HAUS1: variants seen among roughly 807,000 people sequenced by gnomAD.
The protein encoded by HAUS1 is HAUS augmin like complex subunit 1.
A neutral mutation model predicts 38.6 loss-of-function variants in HAUS1; 25 were observed. The ratio of observed to expected loss-of-function variants is 0.65; its 90% CI spans 0.47 to 0.91. The LOEUF (loss-of-function observed/expected upper bound fraction) is 0.91. HAUS1 is among the 40% of genes least tolerant of loss of function. The pLI, the probability that HAUS1 is intolerant of heterozygous loss-of-function variation, is 0.00. For missense variants in HAUS1, 325 were observed against 328.4 expected (o/e 0.99, Z 0.08); for synonymous variants, 109 against 112.9 (o/e 0.97, Z 0.22).
At chr18:46,125,909 T>C in intron 8 of HAUS1, 118 bp downstream of exon 8, 1 of 669,954 alleles carries the variant, frequency 1.5e-6, no homozygotes, top group Non-Finnish European at 2.6e-6. Flanking sequence ...AGTCCTAAAG[T>C]TACTGTGTAT....
In HAUS1 at chr18:46,120,678, C is replaced by T. The variant is rs373716368; in HGVS notation, c.476+618C>T. On this transcript the variant is annotated intron_variant, in intron 4 of 8. Coordinates refer to ENST00000282058, the MANE Select transcript of HAUS1 (RefSeq NM_138443.4). ...TTGGCTCACTGCAACCTCCACTTCC[C>T]GGGTTCAAGCGAGTTTCCTGCCTCA... Among the ~76,000 whole-genome samples, 31 of 151,716 alleles carry T rather than the reference C, an allele frequency of 2.0e-4. 1 individual carries two copies. Among genetic ancestry groups the T allele is most frequent in the Middle Eastern group, 7.0e-3 (2 of 286 alleles).
Position 46,105,368 on chromosome 18 carries a change from G to A in HAUS1, c.205G>A (p.Ala69Thr). ...KQKASEYESEAKYLQDLLMES... is the reference protein window; with the variant it reads ...KQKASEYESETKYLQDLLMES... ...GAAAGCAAGTGAATACGAGTCAGAA[G>A]GTGAGATTAAGTCCAGAGTTTTGAA... The change falls in exon 2 of 9, where the codon GCC becomes ACC. Residue 69 changes from alanine to threonine, a missense_variant and splice_region_variant. Physicochemically the swap from Ala to Thr is moderately conservative, Grantham distance 58 (BLOSUM62 0). Transcript: ENST00000282058. The A allele has an allele frequency of 2.5e-6, 4 of 1,609,944 alleles. No individual in the cohort carries two copies. The highest frequency in any genetic ancestry group is 2.2e-5 in the East Asian group (1 of 44,778).
At chr18:46,110,012 CTTTGT>C (rs1168681528) in intron 2 of HAUS1, among the ~76,000 whole-genome samples, 1 of 151,974 alleles carries the variant, frequency 6.6e-6, no homozygotes. Flanking sequence ...TACTTACAGT[CTTTGT>C]TTTTTCATAT....
chr18:46,105,311 G>A lies in HAUS1; in HGVS notation c.148G>A (p.Asp50Asn), dbSNP rs1911432355. 6.2e-7 allele frequency: 1 copy of A among 1,613,474 alleles called. No individual in the cohort carries two copies. The highest frequency in any genetic ancestry group is 1.7e-5 in the Admixed American group (1 of 59,912). The change falls in exon 2 of 9, where the codon GAT becomes AAT. Residue 50 changes from aspartate to asparagine, a missense_variant. By Grantham distance (23) the Asp-to-Asn change is conservative (BLOSUM62 1). Transcript: ENST00000282058. ...LSERNRVRDR[D>N]VYLVIEDLKQ... ...AGAACGCAACAGGGTCCGGGACAGG[G>A]ATGTCTACCTGGTAATAGAGGACTT...
At chr18:46,108,806 T>A (rs1911541706) in intron 2 of HAUS1, among the ~76,000 whole-genome samples, 1 of 152,102 alleles carries the variant, frequency 6.6e-6, no homozygotes, top group South Asian at 2.1e-4. Flanking sequence ...GCATGATGGC[T>A]CAAGCCTGTA....
intron 2 of HAUS1, among the ~76,000 whole-genome samples, chr18:46,113,180 G>A (rs944446691): frequency 4.0e-5 from 6 of 150,012 alleles, no homozygotes; most frequent in East Asian, 1.9e-4. Flanking sequence ...GGGTCCAAGC[G>A]ATTCTCATGC....
chr18:46,120,127 A>C (rs1397963330), intron 4 of HAUS1, 67 bp downstream of exon 4: 2 of 1,119,946 alleles, frequency 1.8e-6, no homozygotes, highest in Admixed American at 5.3e-5. Flanking sequence ...TGTCAAATTT[A>C]GTTTTGGCAG....
chr18:46,111,513 G>A (rs560715898), intron 2 of HAUS1, among the ~76,000 whole-genome samples: 2 of 152,156 alleles, frequency 1.3e-5, no homozygotes, highest in African/African-American at 4.8e-5. Context: ...GTAGAGACGG[G>A]GTTTCGCCAT....
rs145318668 is a variant in HAUS1 at position 46,118,088 on chromosome 18, T to C, written c.206-93T>C. On this transcript the variant is annotated intron_variant, in intron 2 of 8. Transcript: ENST00000282058. ...GAATTACATACATACCTTAGGTGGG[T>C]GGATTATATGCTATGTGAATTATGT... 39 of 1,187,328 alleles carry C rather than the reference T, an allele frequency of 3.3e-5. No individual in the cohort carries two copies. The African/African-American group carries it at 5.3e-4, about 16-fold the overall frequency. The allele number at this position is 1,187,328 out of a possible 1,614,324, so 73.5% of individuals were successfully genotyped here. A position where few individuals can be genotyped will look rare whatever the true frequency, so the allele number is the denominator to read the frequency against.
intron 5 of HAUS1, 25 bp downstream of exon 5, chr18:46,122,615 T>C: frequency 6.2e-7 from 1 of 1,613,098 alleles, no homozygotes; most frequent in Non-Finnish European, 8.5e-7. Context: ...CCGAATATAG[T>C]TAGCTCTCTT....
At chr18:46,108,273 T>TC (rs955791019) in intron 2 of HAUS1, among the ~76,000 whole-genome samples, 2 of 145,058 alleles carry the variant, frequency 1.4e-5, no homozygotes, top group African/African-American at 5.0e-5. Context: ...ATTTACTTCT[T>TC]TTTTTTTTTT....
At chr18:46,119,864 A>G (rs922417302) in intron 3 of HAUS1, 62 bp from the exon 4 acceptor site, 18 of 1,390,598 alleles carry the variant, frequency 1.3e-5, no homozygotes, top group Non-Finnish European at 1.7e-5. Flanking sequence ...ATTTTTAGCA[A>G]TGAGGAGTAA....
At chr18:46,108,760 C>T (rs954620238) in intron 2 of HAUS1, among the ~76,000 whole-genome samples, 4 of 152,048 alleles carry the variant, frequency 2.6e-5, no homozygotes, top group African/African-American at 7.2e-5. Flanking sequence ...AACGAACTAC[C>T]TGAGACTGGG....
rs760802716 is a variant in HAUS1, at chr18:46,124,893, G to T, written c.738G>T (p.Pro246=). The change falls in exon 7 of 9, where the codon CCG becomes CCT. Residue 246 remains proline (P), a splice_region_variant and synonymous_variant. Coordinates refer to ENST00000282058, the MANE Select transcript of HAUS1 (RefSeq NM_138443.4). ...TGGAGTCCTATTTAGACTTAATGCC[G>T]GTAATAATTTTCGCGAATTAAAAAA... ...KKLESYLDLM[P]NPSLAQVKIE... is the part of the protein sequence containing the mutation. 1 of 1,540,768 alleles carries T rather than the reference G, an allele frequency of 6.5e-7. No homozygotes were observed. Among genetic ancestry groups the T allele is most frequent in the Non-Finnish European group, 9.0e-7 (1 of 1,115,392 alleles).
At chr18:46,104,864 G>A (rs540326981) in intron 1 of HAUS1, among the ~76,000 whole-genome samples, 1 of 151,430 alleles carries the variant, frequency 6.6e-6, no homozygotes, top group African/African-American at 2.5e-5. Flanking sequence ...GACCATGCAC[G>A]GTCTAATAAT....
intron 6 of HAUS1, among the ~76,000 whole-genome samples, chr18:46,123,783 G>C (rs1912017451): frequency 6.6e-6 from 1 of 152,204 alleles, no homozygotes; most frequent in Non-Finnish European, 1.5e-5. Context: ...TGGGAAGAGA[G>C]AAATAGAGGG....
At chr18:46,107,164 C>T (rs776072222) in intron 2 of HAUS1, among the ~76,000 whole-genome samples, 8 of 152,138 alleles carry the variant, frequency 5.3e-5, no homozygotes, top group Non-Finnish European at 7.4e-5. Flanking sequence ...ACAGTTCCAT[C>T]ACCCCAAAAA....
chr18:46,123,109 G>A (rs1003573193), intron 5 of HAUS1, 190 bp from the exon 6 acceptor site: 5 of 512,504 alleles, frequency 9.8e-6, no homozygotes, highest in African/African-American at 4.0e-5. Flanking sequence ...TACTCAGGAG[G>A]CTGAGGCAGG....
chr18:46,118,569 TC>T, intron 3 of HAUS1: 1 of 393,504 alleles, frequency 2.5e-6, no homozygotes, highest in South Asian at 3.6e-5. Flanking sequence ...GGGGTTAGTA[TC>T]ACATTGTTCC....
Sources: allele counts gnomAD v4.1 joint callset (sites outside exome capture counted in the v4.1 genomes callset), GRCh38; gene constraint gnomAD v4.1.1; transcripts MANE v1.5; gene names NCBI Gene and HGNC (gene_info 2026-07-23, HGNC 2026-07-21).